The following BRWD1 variants were observed in gnomAD, a reference collection of about 807,000 sequenced individuals.
BRWD1 encodes the protein bromodomain and WD repeat-containing protein 1.
A neutral mutation model predicts 251.2 loss-of-function variants in BRWD1; 82 were observed. The observed-to-expected ratio is 0.33, with a 90% confidence interval of 0.27 to 0.39. The LOEUF is 0.39. BRWD1 is among the 10% of genes least tolerant of loss of function. The probability of loss-of-function intolerance (pLI) is 1.00; values close to 1 mark genes in which losing one functional copy is unlikely to be tolerated. For synonymous variants in BRWD1, 918 were observed against 902.8 expected (o/e 1.02, Z -0.30); for missense variants, 2,233 against 2,711.6 (o/e 0.82, Z 3.92).
intron 21 of BRWD1, among the ~76,000 whole-genome samples, chr21:39,246,391 G>A (rs1410202980): frequency 6.6e-6 from 1 of 152,180 alleles, no homozygotes; most frequent in Non-Finnish European, 1.5e-5. Context: ...AGAGAAACTG[G>A]AACTCTCATA....
rs148217778 is a variant in BRWD1, at chr21:39,281,730, T to C, written c.832-1482A>G. Among the ~76,000 whole-genome samples the C allele has an allele frequency of 2.3e-3, 347 of 151,744 alleles. 2 individuals carry two copies. The highest frequency in any genetic ancestry group is 7.4e-3 in the African/African-American group (306 of 41,358). On this transcript the variant is annotated intron_variant, in intron 8 of 40. Coordinates refer to ENST00000342449, the MANE Select transcript of BRWD1 (RefSeq NM_033656.4). ...CTGTAACATAAAAAGTAGGCAGGAG[T>C]GGTGGCGGATGCCCATAATCCCAGC... is the stretch of plus-strand genomic sequence containing the variant.
chr21:39,290,447 C>T (rs929653777), intron 8 of BRWD1, among the ~76,000 whole-genome samples: 18 of 150,516 alleles, frequency 1.2e-4, no homozygotes, highest in Non-Finnish European at 2.2e-4. Flanking sequence ...GCTGAGATTG[C>T]GCCACTGCAC....
At chr21:39,300,056 C>T (rs2036066545) in intron 4 of BRWD1, among the ~76,000 whole-genome samples, 1 of 152,078 alleles carries the variant, frequency 6.6e-6, no homozygotes, top group African/African-American at 2.4e-5. Flanking sequence ...AAGAACTGAC[C>T]TCAGAAAAGA....
chr21:39,195,960 T>TA lies in BRWD1; in HGVS notation c.*298_*299insT. ...CCATGAAAGTAATGCTCATTGGTTT[T>TA]GATAACCAGGATGTCTAGTGTTTAA... On this transcript the variant is annotated 3_prime_UTR_variant, in exon 41 of 41. Transcript: ENST00000342449. 1.7e-5 allele frequency: 18 copies of TA among 1,054,132 alleles called. No individual in the cohort carries two copies. Among genetic ancestry groups the TA allele is most frequent in the Non-Finnish European group, 1.9e-5 (17 of 875,616 alleles). The allele number at this position is 1,054,132 out of a possible 1,614,324, so 65.3% of individuals were successfully genotyped here. A position where few individuals can be genotyped will look rare whatever the true frequency, so the allele number is the denominator to read the frequency against.
Position 39,252,374 on chromosome 21 carries a change from T to C in BRWD1, c.2256-1485A>G, listed in dbSNP as rs144632233. 2.9e-3 allele frequency among the ~76,000 whole-genome samples: 440 copies of C among 152,322 alleles called. 2 individuals carry two copies. Among genetic ancestry groups the C allele is most frequent in the African/African-American group, 0.01 (417 of 41,572 alleles). ...ACTGGCAAGCAACATTATATGCTCATAGCTCTGCACAGCTGTCATTTACCT... is the reference window on the plus strand; with the variant it reads ...ACTGGCAAGCAACATTATATGCTCACAGCTCTGCACAGCTGTCATTTACCT... On this transcript the variant is annotated intron_variant, in intron 19 of 40. Coordinates refer to ENST00000342449, the MANE Select transcript of BRWD1 (RefSeq NM_033656.4).
intron 29 of BRWD1, among the ~76,000 whole-genome samples, chr21:39,223,498 G>A (rs1022148625): frequency 7.9e-5 from 12 of 152,106 alleles, no homozygotes; most frequent in African/African-American, 2.2e-4. Flanking sequence ...AAAAAGTTTC[G>A]CAAAAGGGAA....
rs529794501 is a variant in BRWD1, at chr21:39,191,555, G to A, written c.*4704C>T. The A allele has an allele frequency of 2.6e-4, 257 of 982,926 alleles. 1 individual carries two copies. The highest frequency in any genetic ancestry group is 5.2e-4 in the Middle Eastern group (1 of 1,912). The allele number at this position is 982,926 out of a possible 1,614,324, so 60.9% of individuals were successfully genotyped here. A position where few individuals can be genotyped will look rare whatever the true frequency, so the allele number is the denominator to read the frequency against. On this transcript the variant is annotated 3_prime_UTR_variant, in exon 41 of 41. Coordinates refer to ENST00000342449, the MANE Select transcript of BRWD1 (RefSeq NM_033656.4). ...GGAAAACTAAAGATCTGCTTGACAG[G>A]CTCATGTAATTTTTTGATTGGGATT...
chr21:39,213,906 T>TAA (rs987284468), intron 32 of BRWD1, among the ~76,000 whole-genome samples: 19 of 148,374 alleles, frequency 1.3e-4, no homozygotes, highest in African/African-American at 4.2e-4. Context: ...TGATTTAAGG[T>TAA]AAAAAAAATA....
At chr21:39,313,416 CG>C (rs771463994) in intron 1 of BRWD1, 26 bp downstream of exon 1, 16 of 1,380,000 alleles carry the variant, frequency 1.2e-5, no homozygotes, top group South Asian at 1.4e-5. Flanking sequence ...AGCGCCAGGG[CG>C]GGGGTGGCAC....
intron 4 of BRWD1, among the ~76,000 whole-genome samples, chr21:39,309,690 T>G (rs10854396): frequency 0.23 from 35,052 of 151,690 alleles, 4,022 homozygotes; most frequent in East Asian, 0.39. Context: ...CCGGGCGTGG[T>G]GGCGGACGCC....
chr21:39,225,001 T>C lies in BRWD1; in HGVS notation c.3320+85A>G, dbSNP rs2033324640. The C allele has an allele frequency of 4.8e-5, 51 of 1,067,932 alleles. No individual in the cohort carries two copies. In the South Asian group the frequency reaches 6.7e-4, roughly 14 times the overall value. The allele number at this position is 1,067,932 out of a possible 1,614,324, so 66.2% of individuals were successfully genotyped here. A position where few individuals can be genotyped will look rare whatever the true frequency, so the allele number is the denominator to read the frequency against. On this transcript the variant is annotated intron_variant, in intron 28 of 40. Transcript: ENST00000342449. Reference sequence around the variant, plus strand: ...TAATGACAGATAAAAACCATGTTTTTTTAAAAACCAGAAATGTATTATTTA... The same window carrying C: ...TAATGACAGATAAAAACCATGTTTTCTTAAAAACCAGAAATGTATTATTTA...
chr21:39,218,763 T>C, intron 29 of BRWD1, 103 bp from the exon 30 acceptor site: 1 of 916,850 alleles, frequency 1.1e-6, no homozygotes, highest in African/African-American at 1.7e-5. Flanking sequence ...CTAGGTTATC[T>C]CCACAGTCAA....
intron 36 of BRWD1, 39 bp from the exon 37 acceptor site, chr21:39,206,313 C>A (rs767530319): frequency 1.4e-6 from 2 of 1,386,618 alleles, no homozygotes; most frequent in South Asian, 1.3e-5. Context: ...TACAAAATAG[C>A]CTTAAAAGTA....
At chr21:39,248,754 C>T (rs1187167672) in intron 20 of BRWD1, among the ~76,000 whole-genome samples, 2 of 150,248 alleles carry the variant, frequency 1.3e-5, no homozygotes, top group African/African-American at 4.9e-5. Context: ...TGGTTATACA[C>T]TGCTAGTGAA....
chr21:39,313,928 C>T, upstream of BRWD1: 3 of 335,638 alleles, frequency 8.9e-6, no homozygotes, highest in Non-Finnish European at 1.7e-5. Flanking sequence ...GCCGGGTGGC[C>T]CAGCAGCGGG....
At chr21:39,307,449 TTATGTATATATGTTTG>T (rs2036324143) in intron 4 of BRWD1, among the ~76,000 whole-genome samples, 1 of 151,920 alleles carries the variant, frequency 6.6e-6, no homozygotes, top group African/African-American at 2.4e-5. Flanking sequence ...TGTATATATT[TTATGTATATATGTTTG>T]TATGTATATA....
chr21:39,247,546 A>G (rs1291886517), intron 21 of BRWD1, among the ~76,000 whole-genome samples, 155 bp downstream of exon 21: 1 of 152,258 alleles, frequency 6.6e-6, no homozygotes, highest in Non-Finnish European at 1.5e-5. Flanking sequence ...CTTAGCCATT[A>G]AAAGTTTTTG....
intron 9 of BRWD1, among the ~76,000 whole-genome samples, chr21:39,279,671 A>C (rs2035395291): frequency 6.6e-6 from 1 of 150,748 alleles, no homozygotes. Context: ...AAAAAAAAGA[A>C]AACGAAAACA....
In BRWD1 at chr21:39,190,939, C is replaced by A; in HGVS notation, c.*5320G>T. 1 of 985,294 alleles carries A rather than the reference C, an allele frequency of 1.0e-6. No homozygotes were observed. The highest frequency in any genetic ancestry group is 1.7e-5 in the African/African-American group (1 of 57,338). The allele number at this position is 985,294 out of a possible 1,614,324, so 61.0% of individuals were successfully genotyped here. A position where few individuals can be genotyped will look rare whatever the true frequency, so the allele number is the denominator to read the frequency against. On this transcript the variant is annotated 3_prime_UTR_variant, in exon 41 of 41. Coordinates refer to ENST00000342449, the MANE Select transcript of BRWD1 (RefSeq NM_033656.4). ...TTCTTATTCTGGAACTACAACTAAT[C>A]TAGCTCATCACAATACAGTTTTCTC...
Sources: gnomAD v4.1 joint callset for allele counts (sites outside exome capture counted in the v4.1 genomes callset) on GRCh38, gnomAD v4.1.1 for gene constraint, MANE v1.5 for transcripts, NCBI Gene and HGNC (gene_info 2026-07-23, HGNC 2026-07-21) for gene names.